The following DNAJB6 variants were observed in gnomAD, a reference collection of about 807,000 sequenced individuals.
The protein encoded by DNAJB6 is dnaJ homolog subfamily B member 6.
A neutral mutation model predicts 42.7 loss-of-function variants in DNAJB6; 16 were observed. That is an observed-to-expected ratio of 0.37 (90% CI 0.25 to 0.57). The LOEUF (loss-of-function observed/expected upper bound fraction) is 0.57, where lower values mean the gene tolerates loss of function less well. DNAJB6 is among the 20% of genes least tolerant of loss of function. The pLI is 0.74. For synonymous variants in DNAJB6, 170 were observed against 163.5 expected (o/e 1.04, Z -0.30); for missense variants, 347 against 416.8 (o/e 0.83, Z 1.46).
intron 5 of DNAJB6, chr7:157,381,236 G>A (rs1800750315): frequency 6.6e-6 from 1 of 152,026 alleles, no homozygotes; most frequent in South Asian, 2.1e-4. Flanking sequence ...TCCACTCCCT[G>A]CTTTGGTTGC....
At chr7:157,389,577 A>G (rs1278156743) in intron 8 of DNAJB6, among the ~76,000 whole-genome samples, 1 of 152,228 alleles carries the variant, frequency 6.6e-6, no homozygotes, top group Non-Finnish European at 1.5e-5. Flanking sequence ...GCCTTTGGAT[A>G]TGGTATTCCT....
At chr7:157,345,442 A>G (rs6951127) in intron 1 of DNAJB6, among the ~76,000 whole-genome samples, 107,657 of 151,982 alleles carry the variant, frequency 0.71, 39,009 homozygotes, top group African/African-American at 0.87. Context: ...AGCCTCCTGC[A>G]TAGCTGGGAG....
intron 9 of DNAJB6, chr7:157,410,411 C>A (rs1383627316): frequency 2.9e-6 from 1 of 345,376 alleles, no homozygotes. Flanking sequence ...TCAGCTTCAC[C>A]TTCTCGTGCC....
At chr7:157,344,943 A>G (rs1374971383) in intron 1 of DNAJB6, among the ~76,000 whole-genome samples, 1 of 152,042 alleles carries the variant, frequency 6.6e-6, no homozygotes, top group African/African-American at 2.4e-5. Context: ...ACTTTACAGC[A>G]CTGTCACTTT....
chr7:157,378,342 A>G (rs1244758804), intron 5 of DNAJB6: 1 of 152,256 alleles, frequency 6.6e-6, no homozygotes, highest in Non-Finnish European at 1.5e-5. Context: ...TTATAAATCC[A>G]AAAGTAATAA....
chr7:157,337,278 G>A (rs1456870588), intron 1 of DNAJB6, 134 bp downstream of exon 1: 3 of 152,018 alleles, frequency 2.0e-5, no homozygotes, highest in Non-Finnish European at 4.4e-5. Flanking sequence ...AGGACTGGAC[G>A]GGGCGGGGGC....
intron 8 of DNAJB6, among the ~76,000 whole-genome samples, chr7:157,395,798 C>G (rs1179225807): frequency 6.6e-6 from 1 of 150,934 alleles, no homozygotes; most frequent in African/African-American, 2.4e-5. Context: ...GATTACAGGC[C>G]TGTGCCACCA....
intron 2 of DNAJB6, among the ~76,000 whole-genome samples, chr7:157,361,677 T>C (rs561478170): frequency 1.8e-4 from 27 of 152,338 alleles, no homozygotes; most frequent in African/African-American, 6.3e-4. Flanking sequence ...GCTTCTCTTT[T>C]TTAACGTTAC....
chr7:157,390,684 G>A (rs775513925), intron 8 of DNAJB6, among the ~76,000 whole-genome samples: 6 of 152,136 alleles, frequency 3.9e-5, no homozygotes, highest in Non-Finnish European at 7.3e-5. Context: ...TGCGAGCTCT[G>A]AGAGGTGACC....
rs531955861 is a variant in DNAJB6, at chr7:157,343,154, C to T, written c.-27+6010C>T. ...GGGATTACAGATGTGCACCACCACA[C>T]CCAGGTAATTTTTTTTTTTTTTTTA... On this transcript the variant is annotated intron_variant, in intron 1 of 9. Coordinates refer to ENST00000262177, the MANE Select transcript of DNAJB6 (RefSeq NM_058246.4). Among the ~76,000 whole-genome samples, 642 of 113,926 alleles carry T rather than the reference C, an allele frequency of 5.6e-3. 5 individuals are homozygous for T. Among genetic ancestry groups the T allele is most frequent in the African/African-American group, 0.025 (612 of 24,970 alleles). The allele number at this position is 113,926 out of a possible 152,430, so 74.7% of individuals were successfully genotyped here.
At chr7:157,391,742 C>G (rs1214254940) in intron 8 of DNAJB6, among the ~76,000 whole-genome samples, 1 of 152,188 alleles carries the variant, frequency 6.6e-6, no homozygotes, top group Non-Finnish European at 1.5e-5. Flanking sequence ...TATGTACTTG[C>G]AGGAGCAGTT....
chr7:157,378,905 T>G (rs1289487801), intron 5 of DNAJB6: 1 of 152,216 alleles, frequency 6.6e-6, no homozygotes, highest in Non-Finnish European at 1.5e-5. Flanking sequence ...AATTTTGAAA[T>G]TATTTTAATG....
rs1262332364 is a variant in DNAJB6 at position 157,372,995 on chromosome 7, G to A, written c.346+5512G>A. Among the ~76,000 whole-genome samples, 3 of 152,286 alleles carry A rather than the reference G, an allele frequency of 2.0e-5. No homozygotes were observed. In the South Asian group the frequency reaches 6.2e-4, roughly 32 times the overall value. On this transcript the variant is annotated intron_variant, in intron 5 of 9. Transcript: ENST00000262177. ...GTGTTGCTTAGGCTGGCCTCCAACC[G>A]CTAGGCTCAAGCAGTCTTCCTTCCT...
intron 3 of DNAJB6, among the ~76,000 whole-genome samples, chr7:157,364,221 C>G (rs893780754): frequency 6.6e-6 from 1 of 151,792 alleles, no homozygotes; most frequent in South Asian, 2.1e-4. Context: ...AAAACAAAAC[C>G]AAACCAATCA....
At chr7:157,390,737 T>C (rs1801301215) in intron 8 of DNAJB6, among the ~76,000 whole-genome samples, 1 of 152,202 alleles carries the variant, frequency 6.6e-6, no homozygotes, top group Non-Finnish European at 1.5e-5. Flanking sequence ...TGGCAAAAAG[T>C]GCTTTGCCCA....
intron 5 of DNAJB6, chr7:157,368,921 A>G: frequency 4.6e-6 from 1 of 217,540 alleles, no homozygotes; most frequent in Non-Finnish European, 9.3e-6. Flanking sequence ...GGCACGAAGA[A>G]GCATAATCAC....
intron 5 of DNAJB6, 139 bp from the exon 6 acceptor site, chr7:157,382,107 T>TA (rs996466140): frequency 6.7e-5 from 58 of 871,450 alleles, no homozygotes; most frequent in Admixed American, 1.1e-4. Flanking sequence ...ACTCTGTAGA[T>TA]AAGCTCTTTT....
chr7:157,339,636 T>TGTGTGTGTGA (rs1563103587), intron 1 of DNAJB6, among the ~76,000 whole-genome samples: 1 of 75,056 alleles, frequency 1.3e-5, no homozygotes, highest in African/African-American at 3.9e-5. Context: ...TGTGTGTGTG[T>TGTGTGTGTGA]GTGTGTGTGT....
intron 1 of DNAJB6, chr7:157,337,441 G>A (rs1563101657): frequency 6.6e-6 from 1 of 152,380 alleles, no homozygotes; most frequent in Non-Finnish European, 1.5e-5. Context: ...GGCGGTTGGG[G>A]GTGGGGCCCG....
Sources: allele counts gnomAD v4.1 joint callset (sites outside exome capture counted in the v4.1 genomes callset), GRCh38; gene constraint gnomAD v4.1.1; transcripts MANE v1.5; gene names NCBI Gene and HGNC (gene_info 2026-07-23, HGNC 2026-07-21).